MAST4: variants seen among roughly 807,000 people sequenced by gnomAD.
MAST4 encodes microtubule-associated serine/threonine-protein kinase 4.
MAST4 carries 89 observed loss-of-function variants against 162.7 expected under a neutral mutation model. The observed-to-expected ratio is 0.55, with a 90% CI of 0.46 to 0.65. The LOEUF is 0.65. Among genes scored for constraint, MAST4 ranks in the 30% least tolerant of loss-of-function variants. MAST4 has a pLI of 0.00. For synonymous variants in MAST4, 1,479 were observed against 1,361.1 expected, an observed-to-expected ratio of 1.09 and a Z score of -1.91; for missense variants, 3,153 against 3,374.0, an observed-to-expected ratio of 0.93 and a Z score of 1.62.
chr5:66,914,591 G>A (rs1763983068), intron 4 of MAST4, among the ~76,000 whole-genome samples: 1 of 152,108 alleles, frequency 6.6e-6, no homozygotes, highest in Admixed American at 6.6e-5. Context: ...TCAGTGGCTG[G>A]GGAGAGAACC....
intron 4 of MAST4, among the ~76,000 whole-genome samples, chr5:66,996,227 C>T (rs1404684811): frequency 6.6e-6 from 1 of 151,994 alleles, no homozygotes; most frequent in Non-Finnish European, 1.5e-5. Context: ...TGCAGTGAGT[C>T]GAGATCGTGC....
chr5:67,000,763 G>C (rs1466272635), intron 4 of MAST4, among the ~76,000 whole-genome samples: 3 of 151,422 alleles, frequency 2.0e-5, no homozygotes, highest in Non-Finnish European at 4.4e-5. Context: ...AAAAGGGGGG[G>C]GGTGGCTTGT....
intron 1 of MAST4, among the ~76,000 whole-genome samples, chr5:66,597,759 A>G (rs1161834277): frequency 6.6e-6 from 1 of 152,236 alleles, no homozygotes; most frequent in Non-Finnish European, 1.5e-5. Flanking sequence ...ATGTTCCTCC[A>G]GAACTTGTGG....
At chr5:67,121,270 G>T (rs1561680880) in intron 14 of MAST4, among the ~76,000 whole-genome samples, 168 bp downstream of exon 14, 2 of 152,044 alleles carry the variant, frequency 1.3e-5, no homozygotes, top group African/African-American at 4.8e-5. Flanking sequence ...CTTCTTACTG[G>T]ACACCTCATC....
At chr5:66,729,404 G>C (rs1751707623) in intron 1 of MAST4, among the ~76,000 whole-genome samples, 1 of 152,166 alleles carries the variant, frequency 6.6e-6, no homozygotes, top group Admixed American at 6.5e-5. Flanking sequence ...TTTATGCCTT[G>C]AAATTCTATA....
At chr5:66,851,072 T>C (rs779504390) in intron 3 of MAST4, among the ~76,000 whole-genome samples, 20 of 152,208 alleles carry the variant, frequency 1.3e-4, no homozygotes, top group Non-Finnish European at 2.2e-4. Flanking sequence ...TCCCCATGGA[T>C]GATAATGTCT....
At chr5:67,159,751 C>T (rs906335993) in intron 26 of MAST4, among the ~76,000 whole-genome samples, 1 of 152,128 alleles carries the variant, frequency 6.6e-6, no homozygotes, top group African/African-American at 2.4e-5. Context: ...CAAGCCCCTT[C>T]CCAGGATTGA....
Position 67,118,814 on chromosome 5 carries a change from A to C in MAST4, c.1659+65A>C. On this transcript the variant is annotated intron_variant, in intron 13 of 28. Coordinates refer to ENST00000403625, the MANE Select transcript of MAST4 (RefSeq NM_001164664.2). ...TGTTTAGCATCTGGAGACTTTGGCT[A>C]TGTTAGTTTATTTGTTCAACAAATG... 5.4e-6 allele frequency: 5 copies of C among 917,596 alleles called. No homozygotes were observed. The South Asian group carries it at 7.6e-5, about 14-fold the overall frequency. 56.8% of individuals were successfully genotyped at this position (917,596 alleles called of 1,614,324 possible).
rs568956157 is a variant in MAST4, at chr5:66,874,229, A to G, written c.643-25722A>G. ...GAGCTCCGTAATACAGCAAATGAAC[A>G]AAGAATGAAGCAAAACGGGCAATAG... On this transcript the variant is annotated intron_variant, in intron 3 of 28. Transcript: ENST00000403625. Among the ~76,000 whole-genome samples, 16 of 152,300 alleles carry G rather than the reference A, an allele frequency of 1.1e-4. No homozygotes were observed. The East Asian group carries it at 1.5e-3, about 15-fold the overall frequency.
At chr5:66,978,992 A>T (rs1284805183) in intron 4 of MAST4, among the ~76,000 whole-genome samples, 1 of 152,190 alleles carries the variant, frequency 6.6e-6, no homozygotes, top group Non-Finnish European at 1.5e-5. Flanking sequence ...AGGCTTGAGA[A>T]GGGGAAGGAA....
At chr5:67,004,196 GGGTCGCGCCGC>G (rs1751655769) in intron 4 of MAST4, among the ~76,000 whole-genome samples, 1 of 43,932 alleles carries the variant, frequency 2.3e-5, no homozygotes, top group Admixed American at 2.4e-4. Context: ...GCACCGGCTG[GGGTCGCGCCGC>G]GGCCGCCTGC....
At chr5:66,980,828 C>G (rs1300400682) in intron 4 of MAST4, among the ~76,000 whole-genome samples, 2 of 152,182 alleles carry the variant, frequency 1.3e-5, no homozygotes, top group Non-Finnish European at 2.9e-5. Flanking sequence ...AATAAATGCT[C>G]TGGCTGGGCC....
At chr5:66,917,594 C>CTTT (rs59415824) in intron 4 of MAST4, among the ~76,000 whole-genome samples, 18,581 of 127,696 alleles carry the variant, frequency 0.15, 1,505 homozygotes, top group South Asian at 0.33. Context: ...GATTCTCTTT[C>CTTT]TTTTTTTTTT....
chr5:66,865,918 T>C (rs36148), intron 3 of MAST4, among the ~76,000 whole-genome samples: 79,876 of 151,642 alleles, frequency 0.53, 22,737 homozygotes, highest in Non-Finnish European at 0.64. Context: ...TTACCAAAAA[T>C]ACGAAAATTA....
At chr5:67,090,295 C>T (rs929764539) in intron 6 of MAST4, 64 bp downstream of exon 6, 10 of 1,107,970 alleles carry the variant, frequency 9.0e-6, no homozygotes, top group Admixed American at 8.0e-5. Context: ...TCCTCTCCCT[C>T]TCCCCACTTC....
chr5:66,987,568 C>G (rs1749661004), intron 4 of MAST4, among the ~76,000 whole-genome samples: 2 of 151,898 alleles, frequency 1.3e-5, no homozygotes, highest in South Asian at 4.1e-4. Flanking sequence ...ATCCAGTTTC[C>G]TTTGTAAAAT....
intron 5 of MAST4, among the ~76,000 whole-genome samples, chr5:67,089,254 T>C (rs1241324722): frequency 1.3e-5 from 2 of 152,202 alleles, no homozygotes; most frequent in African/African-American, 4.8e-5. Flanking sequence ...TAATTAAACA[T>C]GCAGAGGGAA....
chr5:67,078,937 T>TATATATATATAC (rs1762259434), intron 5 of MAST4, among the ~76,000 whole-genome samples: 1 of 95,398 alleles, frequency 1.0e-5, no homozygotes, highest in African/African-American at 5.1e-5. Flanking sequence ...TATATATATA[T>TATATATATATAC]ATATATATAT....
intron 3 of MAST4, among the ~76,000 whole-genome samples, chr5:66,884,753 C>A (rs150776295): frequency 6.6e-6 from 1 of 152,208 alleles, no homozygotes; most frequent in Non-Finnish European, 1.5e-5. Context: ...GACGGCTAGC[C>A]GCCTAGACTG....
Sources: allele counts gnomAD v4.1 joint callset (sites outside exome capture counted in the v4.1 genomes callset), GRCh38; gene constraint gnomAD v4.1.1; transcripts MANE v1.5; gene names NCBI Gene and HGNC (gene_info 2026-07-23, HGNC 2026-07-21).